Variants in ALLC observed in about 807,000 individuals in gnomAD.
ALLC encodes the protein probable inactive allantoicase.
ALLC carries 40 observed loss-of-function variants against 45.0 expected under a neutral mutation model. That is an observed-to-expected ratio of 0.89 (90% CI 0.69 to 1.16). ALLC has a LOEUF of 1.16. ALLC is among the 50% of genes most tolerant of loss of function. The pLI is 0.00. For missense variants in ALLC, 488 were observed against 493.1 expected (o/e 0.99, Z 0.10); for synonymous variants, 176 against 178.1 (o/e 0.99, Z 0.09).
chr2:3,675,332 G>A lies in ALLC; in HGVS notation c.84+1207G>A, dbSNP rs561148532. The stretch of plus-strand genomic sequence containing the variant: ...TTGAGCCCAAGACGTTGAGGTTGCA[G>A]TGAGCCATCATCATGCCACTGCACT... On this transcript the variant is annotated intron_variant, in intron 3 of 11. Coordinates refer to ENST00000252505, the MANE Select transcript of ALLC (RefSeq NM_018436.4). Among the ~76,000 whole-genome samples the A allele has an allele frequency of 3.3e-5, 5 of 150,492 alleles. No individual in the cohort carries two copies. In the South Asian group the frequency reaches 1.0e-3, roughly 32 times the overall value.
intron 1 of ALLC, among the ~76,000 whole-genome samples, chr2:3,670,229 C>T (rs1666829014): frequency 6.6e-6 from 1 of 152,194 alleles, no homozygotes; most frequent in Non-Finnish European, 1.5e-5. Context: ...AATTATATTC[C>T]TGTAATTTCA....
chr2:3,693,436 T>G (rs750552573), intron 7 of ALLC, among the ~76,000 whole-genome samples: 4 of 152,260 alleles, frequency 2.6e-5, no homozygotes, highest in Non-Finnish European at 5.9e-5. Flanking sequence ...GAGCAAAGCT[T>G]ACAAGAGAGT....
intron 10 of ALLC, 64 bp downstream of exon 10, chr2:3,697,520 A>G (rs1667706440): frequency 5.1e-6 from 7 of 1,364,226 alleles, no homozygotes; most frequent in Admixed American, 5.1e-5. Flanking sequence ...ACTGAGTTCT[A>G]TGGAAGTGGG....
At chr2:3,682,715 C>T (rs1316700417) in intron 6 of ALLC, among the ~76,000 whole-genome samples, 6 of 152,106 alleles carry the variant, frequency 3.9e-5, no homozygotes, top group African/African-American at 7.2e-5. Context: ...CTAGTACAGA[C>T]GGGGTTTCAC....
At position 3,678,482 on chromosome 2, in the gene ALLC, C is replaced by T. The variant is rs963490270; in HGVS notation, c.99C>T (p.Cys33=). The T allele has an allele frequency of 6.2e-7, 1 of 1,613,890 alleles. No homozygotes were observed. The highest frequency in any genetic ancestry group is 8.5e-7 in the Non-Finnish European group (1 of 1,179,786). ...AENLIKSDSP[C]FKEHEYTEFG... ...CTTTGCCCTAGAGTGACAGCCCGTG[C>T]TTCAAAGAGCATGAATATACGGAGT... The change falls in exon 4 of 12, where the codon TGC becomes TGT. Residue 33 remains cysteine (C), a synonymous_variant. Transcript: ENST00000252505.
chr2:3,665,594 G>T (rs1666684401), intron 1 of ALLC, among the ~76,000 whole-genome samples: 1 of 152,204 alleles, frequency 6.6e-6, no homozygotes, highest in Non-Finnish European at 1.5e-5. Context: ...TTAGTTTGCT[G>T]AGGATAATGG....
At chr2:3,647,659 G>A in the ALLC span, among the ~76,000 whole-genome samples, 3 of 149,442 alleles carry the variant, frequency 2.0e-5, no homozygotes, top group African/African-American at 7.4e-5. Flanking sequence ...CCTGGGGGTC[G>A]CTCACCCGTC....
At position 3,684,004 on chromosome 2, in the gene ALLC, A is replaced by T. The variant is rs1197731611; in HGVS notation, c.511+930A>T. Among the ~76,000 whole-genome samples the T allele has an allele frequency of 1.1e-4, 17 of 148,702 alleles. 1 individual carries two copies. Among genetic ancestry groups the T allele is most frequent in the Admixed American group, 1.1e-3 (17 of 15,204 alleles). ...TTTGTTTACCCGTTCATTAGTTGAC[A>T]GACACTTGTTTCCATCTGCTGGCTA... On this transcript the variant is annotated intron_variant, in intron 7 of 11. Transcript: ENST00000252505.
intron 10 of ALLC, among the ~76,000 whole-genome samples, chr2:3,697,801 G>A (rs2148022715): frequency 6.6e-6 from 1 of 151,974 alleles, no homozygotes; most frequent in South Asian, 2.1e-4. Flanking sequence ...GAGTAGCTGG[G>A]ATTACAGGCA....
chr2:3,680,032 G>C lies in ALLC; in HGVS notation c.298+38G>C, dbSNP rs1428326294. 1.2e-6 allele frequency: 2 copies of C among 1,610,590 alleles called. No individual in the cohort carries two copies. The highest frequency in any genetic ancestry group is 2.7e-5 in the African/African-American group (2 of 74,830). ...CCACTGTCCCCAAAATGAGAATTATGGGTCACATGGCTCCTCTGGCCAGCC... is the reference window on the plus strand; with the variant it reads ...CCACTGTCCCCAAAATGAGAATTATCGGTCACATGGCTCCTCTGGCCAGCC... On this transcript the variant is annotated intron_variant, in intron 5 of 11. Coordinates refer to ENST00000252505, the MANE Select transcript of ALLC (RefSeq NM_018436.4). This position sits in a 1 kb window ranked among gnomAD's most constrained non-coding sequence, Gnocchi z 4.0.
intron 3 of ALLC, among the ~76,000 whole-genome samples, chr2:3,675,294 C>T (rs1340902226): frequency 6.6e-6 from 1 of 150,852 alleles, no homozygotes; most frequent in African/African-American, 2.4e-5. Context: ...GAAGGCTGAG[C>T]TGGGAGGATT....
At chr2:3,666,705 C>T (rs1666735703) in intron 1 of ALLC, among the ~76,000 whole-genome samples, 1 of 152,210 alleles carries the variant, frequency 6.6e-6, no homozygotes, top group Admixed American at 6.5e-5. Flanking sequence ...TGTGAAGACG[C>T]GATTTTAATT....
At chr2:3,654,453 C>T (rs776253099), upstream of ALLC, among the ~76,000 whole-genome samples, 27 of 152,358 alleles carry the variant, frequency 1.8e-4, no homozygotes, top group African/African-American at 2.4e-4. Context: ...GATTTACCAA[C>T]GTATGAGTGC....
the ALLC span, among the ~76,000 whole-genome samples, chr2:3,648,573 A>C: frequency 4.6e-5 from 7 of 152,098 alleles, no homozygotes; most frequent in Admixed American, 4.6e-4. Flanking sequence ...GAGTGGGTGG[A>C]GACTCTGCTT....
At chr2:3,666,069 T>C (rs1398805563) in intron 1 of ALLC, among the ~76,000 whole-genome samples, 3 of 152,216 alleles carry the variant, frequency 2.0e-5, no homozygotes, top group African/African-American at 7.2e-5. Flanking sequence ...TGAAAGACTG[T>C]ATGCACAAAA....
intron 3 of ALLC, among the ~76,000 whole-genome samples, chr2:3,676,651 G>A (rs552850876): frequency 6.7e-4 from 102 of 152,300 alleles, no homozygotes; most frequent in African/African-American, 2.4e-3. Context: ...CCATGTCATC[G>A]TGGTCCATTT....
chr2:3,681,560 C>T, intron 5 of ALLC, 74 bp from the exon 6 acceptor site: 1 of 1,085,292 alleles, frequency 9.2e-7, no homozygotes, highest in Non-Finnish European at 1.3e-6. Flanking sequence ...AATTACCATA[C>T]AAACCACCAA....
rs1345402181 is a variant in ALLC, at chr2:3,680,976, T to C, written c.299-658T>C. ...CTTTGTTACCATCTGATGTTGACTT[T>C]AGCATTAATTAAAAAAAATATACAA... On this transcript the variant is annotated intron_variant, in intron 5 of 11. Transcript: ENST00000252505. The surrounding 1 kb of genome is among the most constrained non-coding windows in gnomAD (Gnocchi z 4.0). Among the ~76,000 whole-genome samples, 1 of 152,180 alleles carries C rather than the reference T, an allele frequency of 6.6e-6. No homozygotes were observed. Among genetic ancestry groups the C allele is most frequent in the Non-Finnish European group, 1.5e-5 (1 of 68,030 alleles).
intron 1 of ALLC, among the ~76,000 whole-genome samples, chr2:3,658,892 A>C (rs1666504191): frequency 6.6e-6 from 1 of 151,796 alleles, no homozygotes; most frequent in African/African-American, 2.4e-5. Context: ...AAAAAAAAAA[A>C]AAACCTAAAC....
Sources: gnomAD v4.1 joint callset for allele counts (sites outside exome capture counted in the v4.1 genomes callset) on GRCh38, gnomAD v4.1.1 for gene constraint, Gnocchi (gnomAD v3.1) non-coding constraint, MANE v1.5 for transcripts, NCBI Gene and HGNC (gene_info 2026-07-23, HGNC 2026-07-21) for gene names.